Variants in AMZ1 observed in about 807,000 individuals in gnomAD.
The protein encoded by AMZ1 is archaemetzincin-1.
AMZ1 carries 39 observed loss-of-function variants against 29.9 expected under a neutral mutation model. The observed-to-expected ratio is 1.30, with a 90% CI of 1.01 to 1.70. The LOEUF (loss-of-function observed/expected upper bound fraction) is 1.70, where lower values mean the gene tolerates loss of function less well. AMZ1 is among the 40% of genes most tolerant of loss of function. The probability of loss-of-function intolerance (pLI) is 0.00; values close to 1 mark genes in which losing one functional copy is unlikely to be tolerated. For missense variants in AMZ1, 1,041 were observed against 680.6 expected, an observed-to-expected ratio of 1.53 and a Z score of -5.89; for synonymous variants, 458 against 304.0, an observed-to-expected ratio of 1.51 and a Z score of -5.27.
intron 4 of AMZ1, among the ~76,000 whole-genome samples, chr7:2,737,348 G>C (rs1306508801): frequency 2.9e-5 from 4 of 137,700 alleles, no homozygotes; most frequent in East Asian, 2.2e-4. Flanking sequence ...GAGTGCAGTG[G>C]TGTGATCTTG....
At chr7:2,720,307 G>GT (rs1179449008), downstream of AMZ1, among the ~76,000 whole-genome samples, 1 of 152,174 alleles carries the variant, frequency 6.6e-6, no homozygotes, top group Non-Finnish European at 1.5e-5. Flanking sequence ...TTCACTCCCC[G>GT]TTTCCATGTC....
upstream of AMZ1, among the ~76,000 whole-genome samples, chr7:2,687,061 G>C (rs926524448): frequency 4.7e-5 from 7 of 149,214 alleles, no homozygotes; most frequent in Non-Finnish European, 7.4e-5. Context: ...GGGTGTGGTG[G>C]CTCACGCCTG....
intron 4 of AMZ1, among the ~76,000 whole-genome samples, chr7:2,727,934 G>A (rs1789690292): frequency 6.7e-6 from 1 of 149,618 alleles, no homozygotes; most frequent in South Asian, 2.1e-4. Flanking sequence ...GCGGGCGCCT[G>A]TAGACCCAGC....
intron 4 of AMZ1, among the ~76,000 whole-genome samples, chr7:2,744,339 G>C (rs556348332): frequency 6.6e-6 from 1 of 152,292 alleles, no homozygotes; most frequent in East Asian, 1.9e-4. Context: ...GGAACGATCA[G>C]GCAGCAGCAT....
At chr7:2,705,204 G>C (rs575363069) in intron 3 of AMZ1, among the ~76,000 whole-genome samples, 1 of 152,220 alleles carries the variant, frequency 6.6e-6, no homozygotes, top group Non-Finnish European at 1.5e-5. Context: ...AGGGCTGACT[G>C]TGGGACAAAG....
chr7:2,726,049 A>C (rs1281579526), intron 4 of AMZ1, among the ~76,000 whole-genome samples: 1 of 152,240 alleles, frequency 6.6e-6, no homozygotes, highest in East Asian at 1.9e-4. Flanking sequence ...AGCAAGTCTT[A>C]AAGTGGCCTG....
At chr7:2,740,485 C>T (rs1790445200) in intron 4 of AMZ1, among the ~76,000 whole-genome samples, 1 of 152,270 alleles carries the variant, frequency 6.6e-6, no homozygotes, top group Non-Finnish European at 1.5e-5. Flanking sequence ...GGTGCTGCCA[C>T]CCAGATCCTC....
intron 1 of AMZ1, among the ~76,000 whole-genome samples, chr7:2,698,913 G>A (rs924128340): frequency 1.7e-4 from 26 of 152,118 alleles, no homozygotes; most frequent in South Asian, 2.1e-4. Flanking sequence ...CTGGTTTTCC[G>A]GCTAGGACTG....
rs1453557816 is a variant in AMZ1, at chr7:2,709,233, C to T, written c.760C>T (p.Gln254Ter). 1 of 1,502,570 alleles carries T rather than the reference C, an allele frequency of 6.7e-7. No homozygotes were observed. Among genetic ancestry groups the T allele is most frequent in the Non-Finnish European group, 8.9e-7 (1 of 1,128,344 alleles). 93.1% of individuals were successfully genotyped at this position (1,502,570 alleles called of 1,614,324 possible). The stretch of plus-strand genomic sequence containing the variant: ...GTGCTTCAGTGCCCTGGGGATGGTT[C>T]AGTGCTGCAAGGTGGGTGGGGGCTC... The part of the protein sequence containing the change: ...ALCFSALGMV[Q>*]CCKVTCHELC... Residue 254 changes from glutamine (Q) to a stop codon, truncating the protein, a stop_gained, in exon 5 of 7, where the codon CAG becomes TAG. Transcript: ENST00000683327. LOFTEE classifies it high-confidence loss of function.
Position 2,715,540 on chromosome 7 carries a change from C to A in AMZ1, c.*2662C>A, listed in dbSNP as rs1477806533. The stretch of plus-strand genomic sequence containing the variant: ...TTGACCCTCAGCTGTGATGTGTGTC[C>A]CAAAAAAGCGTTTTGAAGTGGGAAG... On this transcript the variant is annotated 3_prime_UTR_variant, in exon 7 of 7. Coordinates refer to ENST00000683327, the MANE Select transcript of AMZ1 (RefSeq NM_001384743.1). The A allele has an allele frequency of 6.6e-6, 1 of 152,050 alleles. No individual in the cohort carries two copies. The allele number at this position is 152,050 out of a possible 1,614,324, so 9.4% of individuals were successfully genotyped here.
At chr7:2,724,982 C>CA (rs78018097) in intron 4 of AMZ1, among the ~76,000 whole-genome samples, 36,880 of 151,976 alleles carry the variant, frequency 0.24, 5,077 homozygotes, top group Non-Finnish European at 0.29. Context: ...GCACTGTGGT[C>CA]TATTTCTGAG....
At chr7:2,696,524 T>C (rs78213519) in intron 1 of AMZ1, among the ~76,000 whole-genome samples, 19,059 of 150,474 alleles carry the variant, frequency 0.13, 1,365 homozygotes, top group East Asian at 0.26. Flanking sequence ...CCCAAAGTGC[T>C]GTGATTACAG....
chr7:2,751,660 C>T (rs912473951), intron 4 of AMZ1, among the ~76,000 whole-genome samples: 1 of 152,150 alleles, frequency 6.6e-6, no homozygotes, highest in African/African-American at 2.4e-5. Context: ...AACAAATCTC[C>T]AGTATCAGGA....
chr7:2,686,616 C>G (rs559011582), upstream of AMZ1, among the ~76,000 whole-genome samples: 9 of 152,080 alleles, frequency 5.9e-5, no homozygotes, highest in Non-Finnish European at 1.2e-4. Flanking sequence ...AGAGAGGTTA[C>G]CTCTACACAG....
rs748921179 is a variant in AMZ1, at chr7:2,700,686, A to G, written c.235A>G (p.Thr79Ala). ...SRPEAPEDFQ[T>A]FHASLQHRKP... ...ACCCGAGGCTCCCGAGGACTTCCAGACCTTCCACGCCTCCCTGCAGCACCG... is the reference window on the plus strand; with the variant it reads ...ACCCGAGGCTCCCGAGGACTTCCAGGCCTTCCACGCCTCCCTGCAGCACCG... The change falls in exon 2 of 7, where the codon ACC becomes GCC. Residue 79 changes from threonine to alanine, a missense_variant. Physicochemically the swap from Thr to Ala is moderately conservative, Grantham distance 58. Transcript: ENST00000683327. The G allele has an allele frequency of 2.5e-6, 4 of 1,612,824 alleles. No individual in the cohort carries two copies. The highest frequency in any genetic ancestry group is 3.4e-6 in the Non-Finnish European group (4 of 1,179,996).
chr7:2,748,519 T>C (rs1408541964), intron 4 of AMZ1, among the ~76,000 whole-genome samples: 24 of 152,156 alleles, frequency 1.6e-4, no homozygotes, highest in Non-Finnish European at 8.8e-5. Context: ...TCAAGATGGA[T>C]TAAAGACTTA....
chr7:2,708,574 C>A lies in AMZ1; in HGVS notation c.473-14C>A. 6.2e-7 allele frequency: 1 copy of A among 1,611,414 alleles called. No individual in the cohort carries two copies. Among genetic ancestry groups the A allele is most frequent in the Non-Finnish European group, 8.5e-7 (1 of 1,179,784 alleles). ...GCTGCCTCCTGACCCCATCCTCTGG[C>A]CCTCTCCCCGCAGACGGCATCCTGT... On this transcript the variant is annotated splice_polypyrimidine_tract_variant and intron_variant, in intron 3 of 6. Transcript: ENST00000683327.
intron 4 of AMZ1, among the ~76,000 whole-genome samples, chr7:2,734,681 C>G (rs1398513073): frequency 6.6e-6 from 1 of 152,240 alleles, no homozygotes; most frequent in Non-Finnish European, 1.5e-5. Context: ...GCCCACCTTC[C>G]TACTTTAGAA....
Position 2,700,405 on chromosome 7 carries a change from G to T in AMZ1, c.-47G>T. 1 of 1,569,398 alleles carries T rather than the reference G, an allele frequency of 6.4e-7. No individual in the cohort carries two copies. The highest frequency in any genetic ancestry group is 8.6e-7 in the Non-Finnish European group (1 of 1,162,954). ...GTGGCCGTCCCCCGGGTGGCCCATG[G>T]ACAGCAGCAGGGGCTCCCAGGAGTG... On this transcript the variant is annotated 5_prime_UTR_variant, in exon 2 of 7. Transcript: ENST00000683327.
Sources: allele counts gnomAD v4.1 joint callset (sites outside exome capture counted in the v4.1 genomes callset), GRCh38; gene constraint gnomAD v4.1.1; transcripts MANE v1.5; gene names NCBI Gene and HGNC (gene_info 2026-07-23, HGNC 2026-07-21).